The following ATAD3B variants were observed in gnomAD, a reference collection of about 807,000 sequenced individuals.
ATAD3B encodes the protein ATPase family AAA domain containing 3B, also known as ATPase family AAA domain-containing protein 3B.
In ATAD3B, 59 loss-of-function variants were observed where a neutral mutation model predicts 70.2. That is an observed-to-expected ratio of 0.84 (90% CI 0.68 to 1.04). ATAD3B has a LOEUF of 1.04. Among genes scored for constraint, ATAD3B ranks in the 50% least tolerant of loss-of-function variants. ATAD3B has a pLI of 0.00. For synonymous variants in ATAD3B, 423 were observed against 388.6 expected (o/e 1.09, Z -1.04); for missense variants, 961 against 913.4 (o/e 1.05, Z -0.67).
chr1:1,505,899 C>T, the ATAD3B span, among the ~76,000 whole-genome samples: 24 of 152,270 alleles, frequency 1.6e-4, no homozygotes, highest in African/African-American at 5.5e-4. Flanking sequence ...TTTTATTACA[C>T]TGGAACAGCT....
intron 7 of ATAD3B, chr1:1,484,746 C>T (rs1640108765): frequency 1.5e-5 from 13 of 864,708 alleles, no homozygotes; most frequent in Admixed American, 6.4e-5. Context: ...CTGCCCAGGG[C>T]CCCGCTCAGC....
chr1:1,477,137 T>C, intron 1 of ATAD3B, 137 bp from the exon 2 acceptor site: 2 of 1,156,496 alleles, frequency 1.7e-6, no homozygotes, highest in Non-Finnish European at 2.5e-6. Flanking sequence ...AGCCTCAGAG[T>C]TGCTGGGATT....
intron 15 of ATAD3B, among the ~76,000 whole-genome samples, chr1:1,493,639 C>T (rs1432796101): frequency 6.6e-6 from 1 of 151,292 alleles, no homozygotes; most frequent in East Asian, 1.9e-4. Context: ...TTTTTTTAAT[C>T]ATAAAAGTGT....
rs759342406 is a variant in ATAD3B, at chr1:1,490,435, C to G, written c.1505+11C>G. ...CACAGAAGGAAAACGGTGAGTGTCCCGCCTCACCCGGCCCCCAATCCAGGC... is the reference window on the plus strand; with the variant it reads ...CACAGAAGGAAAACGGTGAGTGTCCGGCCTCACCCGGCCCCCAATCCAGGC... On this transcript the variant is annotated intron_variant, in intron 14 of 15. Transcript: ENST00000673477. The G allele has an allele frequency of 6.2e-7, 1 of 1,612,924 alleles. No individual in the cohort carries two copies. The highest frequency in any genetic ancestry group is 8.5e-7 in the Non-Finnish European group (1 of 1,179,482).
downstream of ATAD3B, among the ~76,000 whole-genome samples, chr1:1,502,206 T>G (rs1640960839): frequency 6.7e-6 from 1 of 150,054 alleles, no homozygotes; most frequent in Non-Finnish European, 1.5e-5. Flanking sequence ...TACTCTGGCT[T>G]TTTTTTTCTC....
chr1:1,477,043 C>T (rs1232504226), intron 1 of ATAD3B, among the ~76,000 whole-genome samples: 4 of 151,938 alleles, frequency 2.6e-5, no homozygotes, highest in South Asian at 4.2e-4. Context: ...TTTCTTAAGT[C>T]TCACTCTGTC....
intron 10 of ATAD3B, 84 bp downstream of exon 10, chr1:1,486,319 G>T: frequency 6.2e-7 from 1 of 1,605,918 alleles, no homozygotes; most frequent in Non-Finnish European, 8.5e-7. Context: ...CAGCCGCCTG[G>T]GGAATGGACC....
chr1:1,490,709 C>A, intron 15 of ATAD3B, 38 bp downstream of exon 15: 2 of 1,546,558 alleles, frequency 1.3e-6, no homozygotes, highest in Non-Finnish European at 1.7e-6. Context: ...AGACGGGACC[C>A]CAGCTGCTGT....
In ATAD3B at chr1:1,489,254, C is replaced by A; in HGVS notation, c.1317C>A (p.His439Gln). The change falls in exon 13 of 16, where the codon CAC becomes CAA. Residue 439 changes from histidine to glutamine, a missense_variant. This residue lies in a region of ATAD3B where 417 missense variants were observed against 335.0 expected (regional missense o/e 1.24). Coordinates refer to ENST00000673477, the MANE Select transcript of ATAD3B (RefSeq NM_031921.6). ...LRATLNAFLY[H>Q]MGQHSNKFML... Reference sequence around the variant, plus strand: ...CCACACTGAACGCCTTCCTGTACCACATGGGCCAACACAGCAACAAGTGAG... The same window carrying A: ...CCACACTGAACGCCTTCCTGTACCAAATGGGCCAACACAGCAACAAGTGAG... 1 of 1,613,618 alleles carries A rather than the reference C, an allele frequency of 6.2e-7. No homozygotes were observed. Among genetic ancestry groups the A allele is most frequent in the Middle Eastern group, 1.6e-4 (1 of 6,062 alleles).
chr1:1,489,326 G>T (rs756984462), intron 13 of ATAD3B, 52 bp downstream of exon 13: 5 of 1,610,982 alleles, frequency 3.1e-6, no homozygotes, highest in Non-Finnish European at 3.4e-6. Context: ...TGCAGCCGTC[G>T]CCCTTGGTTC....
chr1:1,483,313 A>G (rs1024578822), intron 7 of ATAD3B, among the ~76,000 whole-genome samples: 1 of 151,706 alleles, frequency 6.6e-6, no homozygotes, highest in Non-Finnish European at 1.5e-5. Flanking sequence ...CTAAAAATAC[A>G]AAAATTAGCA....
At chr1:1,502,164 C>T (rs1640958861), downstream of ATAD3B, among the ~76,000 whole-genome samples, 1 of 151,934 alleles carries the variant, frequency 6.6e-6, no homozygotes, top group Admixed American at 6.6e-5. Context: ...TAGGCATGAG[C>T]CACCGCTGGC....
At position 1,495,611 on chromosome 1, in the gene ATAD3B, GT is replaced by G; in HGVS notation, c.1742del (p.Val581AlafsTer139). On this transcript the variant is annotated frameshift_variant, in exon 16 of 16. Coordinates refer to ENST00000673477, the MANE Select transcript of ATAD3B (RefSeq NM_031921.6). LOFTEE classifies it low-confidence loss of function (END_TRUNC). ...WLKAEGPGRG[V>X]EHPLSGVQGE... ...GAAGGCGGAGGGGCCTGGGCGCGGG[GT>G]CGAGCACCCCCTATCCGGAGTCCAA... 1.9e-6 allele frequency: 3 copies of G among 1,613,082 alleles called. No individual in the cohort carries two copies. The highest frequency in any genetic ancestry group is 2.5e-6 in the Non-Finnish European group (3 of 1,179,486).
chr1:1,478,441 C>G (rs1241296512), intron 2 of ATAD3B: 2 of 1,532,448 alleles, frequency 1.3e-6, no homozygotes, highest in East Asian at 4.9e-5. Flanking sequence ...GCAGGCTTCT[C>G]TGCTGGTGCT....
intron 12 of ATAD3B, among the ~76,000 whole-genome samples, chr1:1,488,284 C>T (rs182148479): frequency 1.6e-4 from 25 of 152,050 alleles, no homozygotes; most frequent in African/African-American, 5.5e-4. Flanking sequence ...TACAGGGTGT[C>T]TGTCGCCCAG....
intron 1 of ATAD3B, among the ~76,000 whole-genome samples, chr1:1,473,618 C>T (rs1639444134): frequency 6.6e-6 from 1 of 151,592 alleles, no homozygotes; most frequent in African/African-American, 2.4e-5. Context: ...GCCTCAGCCT[C>T]CCAAGTAGCT....
chr1:1,477,021 G>A (rs1486371451), intron 1 of ATAD3B, among the ~76,000 whole-genome samples: 3 of 151,814 alleles, frequency 2.0e-5, no homozygotes, highest in African/African-American at 7.3e-5. Context: ...TGGCCAGGTT[G>A]GAGATTTTAT....
At chr1:1,479,955 G>C (rs1639818181) in intron 4 of ATAD3B, among the ~76,000 whole-genome samples, 1 of 135,964 alleles carries the variant, frequency 7.4e-6, no homozygotes, top group Non-Finnish European at 1.6e-5. Context: ...TGCACACACG[G>C]GCACACCCCA....
At chr1:1,483,507 C>T (rs1392420852) in intron 7 of ATAD3B, 1 of 193,670 alleles carries the variant, frequency 5.2e-6, no homozygotes, top group African/African-American at 2.4e-5. Flanking sequence ...CCTGGTGGCT[C>T]ACTGGTGTAA....
Sources: gnomAD v4.1 joint callset for allele counts (sites outside exome capture counted in the v4.1 genomes callset) on GRCh38, gnomAD v4.1.1 for gene constraint, gnomAD v4.1.1 regional missense constraint, MANE v1.5 for transcripts, NCBI Gene and HGNC (gene_info 2026-07-23, HGNC 2026-07-21) for gene names.